SPTLC2: variants seen among roughly 807,000 people sequenced by gnomAD.
SPTLC2 encodes serine palmitoyltransferase 2.
In SPTLC2, 21 loss-of-function variants were observed where a neutral mutation model predicts 62.0. The ratio of observed to expected loss-of-function variants is 0.34; its 90% CI spans 0.24 to 0.49. SPTLC2 has a LOEUF of 0.49. Among genes scored for constraint, SPTLC2 ranks in the 20% least tolerant of loss-of-function variants. The probability of loss-of-function intolerance (pLI) is 0.99; values close to 1 mark genes in which losing one functional copy is unlikely to be tolerated. For missense variants in SPTLC2, 511 were observed against 713.0 expected (o/e 0.72, Z 3.23); for synonymous variants, 261 against 261.8 (o/e 1.00, Z 0.03).
In SPTLC2 at chr14:77,531,455, C is replaced by T. The variant is rs1389325882; in HGVS notation, c.1304-9874G>A. Among the ~76,000 whole-genome samples, 964 of 110,120 alleles carry T rather than the reference C, an allele frequency of 8.8e-3. 13 individuals are homozygous for T. Among genetic ancestry groups the T allele is most frequent in the African/African-American group, 0.026 (522 of 19,848 alleles). 72.2% of individuals were successfully genotyped at this position (110,120 alleles called of 152,430 possible). A position where few individuals can be genotyped will look rare whatever the true frequency, so the allele number is the denominator to read the frequency against. On this transcript the variant is annotated intron_variant, in intron 9 of 11. Transcript: ENST00000216484. ...TTCTTCTTCTTCTTCTCCTCCTTCTCCTCCTCCTCCTCCTCCTCCCCCTCC... is the reference window on the plus strand; with the variant it reads ...TTCTTCTTCTTCTTCTCCTCCTTCTTCTCCTCCTCCTCCTCCTCCCCCTCC...
intron 4 of SPTLC2, 98 bp downstream of exon 4, chr14:77,576,669 G>T: frequency 1.3e-6 from 2 of 1,519,456 alleles, no homozygotes; most frequent in South Asian, 1.1e-5. Context: ...ACATGACAAA[G>T]TGTAGATATT....
intron 2 of SPTLC2, among the ~76,000 whole-genome samples, chr14:77,583,316 G>C (rs964643084): frequency 2.0e-5 from 3 of 151,986 alleles, no homozygotes; most frequent in Admixed American, 1.3e-4. Context: ...AAAAGGAGGG[G>C]AGGGGTCACT....
Position 77,511,028 on chromosome 14 carries a change from G to T in SPTLC2, c.*1256C>A, listed in dbSNP as rs1192227849. On this transcript the variant is annotated 3_prime_UTR_variant, in exon 12 of 12. Coordinates refer to ENST00000216484, the MANE Select transcript of SPTLC2 (RefSeq NM_004863.4). ...TATGAAAACAGTCAAAATAGAAAAT[G>T]TCAGTTTAGGAAAGAGATCTATGTG... 1 of 152,388 alleles carries T rather than the reference G, an allele frequency of 6.6e-6. No homozygotes were observed. The highest frequency in any genetic ancestry group is 1.5e-5 in the Non-Finnish European group (1 of 68,022). The allele number at this position is 152,388 out of a possible 1,614,324, so 9.4% of individuals were successfully genotyped here.
intron 9 of SPTLC2, chr14:77,547,628 C>T (rs1594982525): frequency 6.6e-6 from 1 of 152,282 alleles, no homozygotes; most frequent in East Asian, 1.9e-4. Flanking sequence ...GGCGTAATCC[C>T]ACTACTGATC....
intron 8 of SPTLC2, among the ~76,000 whole-genome samples, chr14:77,553,662 C>T (rs761505418): frequency 2.3e-5 from 3 of 132,222 alleles, no homozygotes; most frequent in South Asian, 5.1e-4. Context: ...TCCCAGGAGG[C>T]GGAGGTTGCA....
intron 9 of SPTLC2, among the ~76,000 whole-genome samples, chr14:77,523,525 T>C (rs2079394771): frequency 6.6e-6 from 1 of 152,108 alleles, no homozygotes; most frequent in South Asian, 2.1e-4. Context: ...AAGGGTCCCT[T>C]TGAACTTTGG....
chr14:77,597,898 C>T (rs953673332), intron 1 of SPTLC2, among the ~76,000 whole-genome samples: 7 of 151,020 alleles, frequency 4.6e-5, no homozygotes, highest in Admixed American at 4.0e-4. Flanking sequence ...CCGAGGCGGA[C>T]GAATCACCTG....
At chr14:77,580,652 A>G (rs1404409076) in intron 2 of SPTLC2, among the ~76,000 whole-genome samples, 2 of 151,740 alleles carry the variant, frequency 1.3e-5, no homozygotes, top group African/African-American at 2.4e-5. Flanking sequence ...GTGGCCAGGA[A>G]TCTGAAGTGA....
chr14:77,551,266 C>T (rs757671834), intron 9 of SPTLC2, among the ~76,000 whole-genome samples: 36 of 151,706 alleles, frequency 2.4e-4, no homozygotes, highest in African/African-American at 7.7e-4. Context: ...TGGTGGCGGG[C>T]GCCTGTAGTC....
chr14:77,616,534 C>T lies in SPTLC2; in HGVS notation c.46G>A (p.Ala16Thr). The change falls in exon 1 of 12, where the codon GCG becomes ACG. Residue 16 changes from alanine (A) to threonine (T), a missense_variant. Coordinates refer to ENST00000216484, the MANE Select transcript of SPTLC2 (RefSeq NM_004863.4). ...TCCCCGTTCGCCACGCAGCCATTCG[C>T]CCGCACCGTGCGGCGGCAGCAGCAG... ...GGCCCRRTVRANGCVANGEVR... is the reference protein window; with the variant it reads ...GGCCCRRTVRTNGCVANGEVR... The T allele has an allele frequency of 6.5e-7, 1 of 1,535,654 alleles. No homozygotes were observed. The highest frequency in any genetic ancestry group is 8.7e-7 in the Non-Finnish European group (1 of 1,146,492).
intron 9 of SPTLC2, among the ~76,000 whole-genome samples, chr14:77,550,644 G>C (rs2079550832): frequency 6.7e-6 from 1 of 149,522 alleles, no homozygotes; most frequent in South Asian, 2.1e-4. Flanking sequence ...GCTCACAGCT[G>C]TAATTCCAGC....
chr14:77,606,612 G>A (rs892891188), intron 1 of SPTLC2, among the ~76,000 whole-genome samples: 3 of 151,584 alleles, frequency 2.0e-5, no homozygotes, highest in South Asian at 4.2e-4. Context: ...CTATTCCACC[G>A]AGAAACTCAA....
chr14:77,551,425 A>G (rs1295646487), intron 9 of SPTLC2, among the ~76,000 whole-genome samples: 12 of 151,604 alleles, frequency 7.9e-5, no homozygotes, highest in Non-Finnish European at 1.5e-4. Flanking sequence ...CGACAAGTGA[A>G]ATTATTGTCT....
chr14:77,533,748 G>A (rs952557244), intron 9 of SPTLC2, among the ~76,000 whole-genome samples: 2 of 152,144 alleles, frequency 1.3e-5, no homozygotes, highest in Non-Finnish European at 2.9e-5. Context: ...AGTAGGTTGG[G>A]CAAATGAACG....
At chr14:77,571,978 A>AG (rs11413257) in intron 4 of SPTLC2, among the ~76,000 whole-genome samples, 151,660 of 152,060 alleles carry the variant, frequency 1, 75,630 homozygotes, top group East Asian at 1. Context: ...TAGTAGAGAC[A>AG]GGTTTCACCA....
chr14:77,601,645 G>GT (rs2079878054), intron 1 of SPTLC2, among the ~76,000 whole-genome samples: 1 of 151,904 alleles, frequency 6.6e-6, no homozygotes, highest in African/African-American at 2.4e-5. Context: ...TCCTCACTTC[G>GT]TGAAGAGATC....
intron 9 of SPTLC2, among the ~76,000 whole-genome samples, chr14:77,544,455 T>C (rs2079517803): frequency 6.6e-6 from 1 of 151,942 alleles, no homozygotes; most frequent in African/African-American, 2.4e-5. Context: ...GCATCTGGGG[T>C]GCTTTTAAAT....
At chr14:77,585,504 T>C (rs2079776172) in intron 2 of SPTLC2, among the ~76,000 whole-genome samples, 1 of 152,182 alleles carries the variant, frequency 6.6e-6, no homozygotes, top group Non-Finnish European at 1.5e-5. Flanking sequence ...AAAGACAAAA[T>C]TTCTCTCAAA....
chr14:77,537,945 G>C (rs747828420), intron 9 of SPTLC2, among the ~76,000 whole-genome samples: 1 of 151,940 alleles, frequency 6.6e-6, no homozygotes, highest in Admixed American at 6.6e-5. Flanking sequence ...CCGACCCTTC[G>C]GCTTAGCCTT....
Sources: allele counts gnomAD v4.1 joint callset (sites outside exome capture counted in the v4.1 genomes callset), GRCh38; gene constraint gnomAD v4.1.1; transcripts MANE v1.5; gene names NCBI Gene and HGNC (gene_info 2026-07-23, HGNC 2026-07-21).